Variants in FGF12 observed in about 807,000 individuals in gnomAD.
FGF12 encodes fibroblast growth factor 12B.
In FGF12, 14 loss-of-function variants were observed where a neutral mutation model predicts 23.6. That is an observed-to-expected ratio of 0.59 (90% CI 0.39 to 0.93). FGF12 has a LOEUF of 0.93. Ranked by LOEUF, FGF12 falls within the 40% of genes least tolerant of loss-of-function variation. FGF12 has a pLI of 0.00. For synonymous variants in FGF12, 62 were observed against 77.3 expected, an observed-to-expected ratio of 0.80 and a Z score of 1.04; for missense variants, 175 against 217.8, an observed-to-expected ratio of 0.80 and a Z score of 1.24.
chr3:192,317,631 T>G (rs1318478809), intron 4 of FGF12, among the ~76,000 whole-genome samples: 2 of 152,158 alleles, frequency 1.3e-5, no homozygotes, highest in African/African-American at 4.8e-5. Context: ...AGATGGTATA[T>G]CTGAACCTAC....
At chr3:192,609,467 T>G (rs1451035670) in intron 2 of FGF12, among the ~76,000 whole-genome samples, 1 of 152,142 alleles carries the variant, frequency 6.6e-6, no homozygotes, top group African/African-American at 2.4e-5. Flanking sequence ...CTTATACGGC[T>G]GTTGCCTAAG....
chr3:192,588,360 A>AAAAAAAAAG (rs1713472075), intron 2 of FGF12, among the ~76,000 whole-genome samples: 1 of 142,740 alleles, frequency 7.0e-6, no homozygotes, highest in African/African-American at 2.6e-5. Context: ...AAAAAAAAAA[A>AAAAAAAAAG]AAAAAAAGAA....
At position 192,409,951 on chromosome 3, in the gene FGF12, G is replaced by A. The variant is rs1206205411; in HGVS notation, c.14-49413C>T. On this transcript the variant is annotated intron_variant, in intron 2 of 5. Transcript: ENST00000445105. The surrounding 1 kb of genome is among the most constrained non-coding windows in gnomAD (Gnocchi z 4.8). ...CCAGGCCCGGGAGGGGGCGCTCAGG[G>A]TGGAGTCCCATTCATGGGCTGAGGC... Among the ~76,000 whole-genome samples the A allele has an allele frequency of 3.3e-5, 5 of 151,968 alleles. No individual in the cohort carries two copies. Among genetic ancestry groups the A allele is most frequent in the Admixed American group, 6.6e-5 (1 of 15,264 alleles).
chr3:192,474,724 A>C (rs755298547), intron 2 of FGF12, among the ~76,000 whole-genome samples: 5 of 152,118 alleles, frequency 3.3e-5, no homozygotes, highest in Admixed American at 6.6e-5. Context: ...TGTCTCTACT[A>C]AAAACACAAA....
intron 4 of FGF12, among the ~76,000 whole-genome samples, chr3:192,187,816 T>A (rs1716559342): frequency 6.9e-6 from 1 of 145,900 alleles, no homozygotes; most frequent in East Asian, 2.0e-4. Context: ...GAAAAGAAAG[T>A]GAAGGAAGGT....
At chr3:192,626,559 A>G (rs187920710) in intron 2 of FGF12, among the ~76,000 whole-genome samples, 1 of 152,186 alleles carries the variant, frequency 6.6e-6, no homozygotes, top group Non-Finnish European at 1.5e-5. Flanking sequence ...ATTAGTCATC[A>G]TTAGAGTAAG....
intron 2 of FGF12, among the ~76,000 whole-genome samples, chr3:192,565,769 C>T (rs1014306509): frequency 2.6e-5 from 4 of 152,114 alleles, no homozygotes; most frequent in African/African-American, 9.7e-5. Flanking sequence ...ATGAATTTCT[C>T]AGAACATATC....
At chr3:192,697,459 C>A (rs1718161507) in intron 2 of FGF12, among the ~76,000 whole-genome samples, 1 of 152,158 alleles carries the variant, frequency 6.6e-6, no homozygotes, top group African/African-American at 2.4e-5. Flanking sequence ...TATACAAGGG[C>A]ACTCACTGAA....
intron 2 of FGF12, among the ~76,000 whole-genome samples, chr3:192,647,592 G>T (rs1213553517): frequency 1.3e-5 from 2 of 151,316 alleles, no homozygotes; most frequent in African/African-American, 4.9e-5. Context: ...AATAATCAAA[G>T]AATGAATAAT....
intron 4 of FGF12, among the ~76,000 whole-genome samples, chr3:192,262,788 T>A (rs1712840202): frequency 6.6e-6 from 1 of 151,960 alleles, no homozygotes; most frequent in Non-Finnish European, 1.5e-5. Flanking sequence ...GACTGTAATT[T>A]TTTTTTTCCA....
At chr3:192,372,781 A>G (rs1335679904) in intron 2 of FGF12, among the ~76,000 whole-genome samples, 2 of 152,174 alleles carry the variant, frequency 1.3e-5, no homozygotes, top group African/African-American at 4.8e-5. Flanking sequence ...AAACTCTTTA[A>G]CAGCTTCCCA....
intron 2 of FGF12, among the ~76,000 whole-genome samples, chr3:192,636,406 T>C (rs1400298120): frequency 6.6e-6 from 1 of 152,230 alleles, no homozygotes; most frequent in Non-Finnish European, 1.5e-5. Context: ...GACATTTCCA[T>C]CGCTGCAGAA....
At chr3:192,203,776 AT>A (rs1034663006) in intron 4 of FGF12, among the ~76,000 whole-genome samples, 1 of 151,648 alleles carries the variant, frequency 6.6e-6, no homozygotes, top group African/African-American at 2.4e-5. Flanking sequence ...AATTTTTAAA[AT>A]TTTTTTGTAG....
At chr3:192,359,205 T>C (rs1248759878) in intron 3 of FGF12, among the ~76,000 whole-genome samples, 2 of 152,226 alleles carry the variant, frequency 1.3e-5, no homozygotes, top group African/African-American at 4.8e-5. Flanking sequence ...AAATTCTTTA[T>C]AATAAGATCT....
intron 5 of FGF12, among the ~76,000 whole-genome samples, chr3:192,161,182 A>G (rs1268048856): frequency 6.6e-6 from 1 of 152,000 alleles, no homozygotes; most frequent in Non-Finnish European, 1.5e-5. Flanking sequence ...ATGACCCCTA[A>G]CCACCACCAC....
At chr3:192,459,057 T>G (rs1722774213) in intron 2 of FGF12, among the ~76,000 whole-genome samples, 1 of 152,234 alleles carries the variant, frequency 6.6e-6, no homozygotes, top group Non-Finnish European at 1.5e-5. Flanking sequence ...ACCATGATTC[T>G]GAGGCCTCCC....
intron 4 of FGF12, among the ~76,000 whole-genome samples, chr3:192,306,051 G>A (rs994105912): frequency 6.6e-6 from 1 of 151,604 alleles, no homozygotes; most frequent in Non-Finnish European, 1.5e-5. Flanking sequence ...CAATAGAGAC[G>A]GGGTTTCACT....
chr3:192,168,632 T>C (rs374019327), intron 5 of FGF12, among the ~76,000 whole-genome samples: 1 of 152,252 alleles, frequency 6.6e-6, no homozygotes, highest in Non-Finnish European at 1.5e-5. Flanking sequence ...CTCTGGCGCA[T>C]ATATTCTTCT....
intron 2 of FGF12, among the ~76,000 whole-genome samples, chr3:192,435,216 G>T (rs1721980473): frequency 6.6e-6 from 1 of 152,066 alleles, no homozygotes; most frequent in South Asian, 2.1e-4. Context: ...GAAGTTGGGG[G>T]AATATTCTGG....
Sources: gnomAD v4.1 joint callset for allele counts (sites outside exome capture counted in the v4.1 genomes callset) on GRCh38, gnomAD v4.1.1 for gene constraint, Gnocchi (gnomAD v3.1) non-coding constraint, MANE v1.5 for transcripts, NCBI Gene and HGNC (gene_info 2026-07-23, HGNC 2026-07-21) for gene names.